The following FNBP4 variants were observed in gnomAD, a reference collection of about 807,000 sequenced individuals.
FNBP4 encodes the protein formin binding protein 4.
A neutral mutation model predicts 119.3 loss-of-function variants in FNBP4; 34 were observed. The observed-to-expected ratio is 0.28, with a 90% confidence interval of 0.22 to 0.38. FNBP4 has a LOEUF of 0.38. Ranked by LOEUF, FNBP4 falls within the 10% of genes least tolerant of loss-of-function variation. The pLI is 1.00. For synonymous variants in FNBP4, 462 were observed against 430.6 expected (o/e 1.07, Z -0.90); for missense variants, 1,112 against 1,228.9 (o/e 0.90, Z 1.42).
intron 2 of FNBP4, among the ~76,000 whole-genome samples, chr11:47,758,800 A>T (rs2097625971): frequency 6.6e-6 from 1 of 150,812 alleles, no homozygotes; most frequent in Non-Finnish European, 1.5e-5. Context: ...TGGACATTGC[A>T]GTGAGCTGAG....
intron 8 of FNBP4, among the ~76,000 whole-genome samples, chr11:47,739,544 A>C (rs1056751631): frequency 8.5e-5 from 13 of 152,220 alleles, no homozygotes; most frequent in Non-Finnish European, 1.6e-4. Context: ...TACTGCTGTG[A>C]AACTAGAATG....
Position 47,765,374 on chromosome 11 carries a change from AAAAAGAAAAGAAAAG to A in FNBP4, c.221-27_221-13del, listed in dbSNP as rs3842251. ...CGCTTCCTGTTCATCTGGATTAAAA[AAAAAGAAAAGAAAAG>A]AAAAGAAAAGAAAAGAAAAGAAAAG... On this transcript the variant is annotated splice_polypyrimidine_tract_variant and intron_variant, in intron 1 of 16. Transcript: ENST00000263773. 4.0e-3 allele frequency: 4,173 copies of A among 1,033,570 alleles called. 92 individuals are homozygous for A. In the African/African-American group the frequency reaches 0.054, roughly 13 times the overall value. 64.0% of individuals were successfully genotyped at this position (1,033,570 alleles called of 1,614,324 possible).
intron 12 of FNBP4, chr11:47,730,129 A>G: frequency 1.0e-6 from 1 of 985,458 alleles, no homozygotes; most frequent in Non-Finnish European, 1.2e-6. Flanking sequence ...GGATGTTGAC[A>G]GTGGTCAGGA....
rs955227668 is a variant in FNBP4 at position 47,765,336 on chromosome 11, G to T, written c.247C>A (p.Pro83Thr). ...TTTGGAGGATTCTGAACAACTCTAG[G>T]AACCTCCTGCACCGCTTCCTGTTCA... ...EDEQEAVQEV[P>T]RVVQNPPKPV... The change falls in exon 2 of 17, where the codon CCT becomes ACT. Residue 83 changes from proline to threonine, a missense_variant. Coordinates refer to ENST00000263773, the MANE Select transcript of FNBP4 (RefSeq NM_015308.5). 30 of 1,606,618 alleles carry T rather than the reference G, an allele frequency of 1.9e-5. No individual in the cohort carries two copies. The highest frequency in any genetic ancestry group is 2.4e-5 in the Non-Finnish European group (28 of 1,176,780).
chr11:47,747,155 T>A (rs2097592140), intron 6 of FNBP4, among the ~76,000 whole-genome samples: 1 of 151,404 alleles, frequency 6.6e-6, no homozygotes, highest in Non-Finnish European at 1.5e-5. Context: ...CTCACAGCCT[T>A]AGCCTCCCAA....
intron 12 of FNBP4, 99 bp from the exon 13 acceptor site, chr11:47,724,877 G>T: frequency 6.9e-7 from 1 of 1,448,308 alleles, no homozygotes. Context: ...ATCATTTATA[G>T]GAACCTAGCA....
chr11:47,724,603 T>A lies in FNBP4; in HGVS notation c.2184A>T (p.Pro728=), dbSNP rs773569124. The A allele has an allele frequency of 1.2e-6, 2 of 1,612,726 alleles. No individual in the cohort carries two copies. The highest frequency in any genetic ancestry group is 1.7e-6 in the Non-Finnish European group (2 of 1,179,712). Residue 728 remains proline, a synonymous_variant, in exon 13 of 17, where the codon CCA becomes CCT. Transcript: ENST00000263773. The stretch of plus-strand genomic sequence containing the variant: ...TCTCACCATCTTCCGCAGGAGGAGG[T>A]GGTGGAGGAGGGGGTGGAGGTGATT... ...PPESPPPPPP[P]PPPAEDGEIQ...
intron 8 of FNBP4, among the ~76,000 whole-genome samples, chr11:47,741,416 G>A (rs997235194): frequency 5.3e-5 from 8 of 151,738 alleles, no homozygotes; most frequent in South Asian, 4.1e-4. Flanking sequence ...TGATCTTTCC[G>A]CTTTGCCCTC....
intron 16 of FNBP4, among the ~76,000 whole-genome samples, chr11:47,719,110 G>A (rs2869534): frequency 0.35 from 52,557 of 151,962 alleles, 10,521 homozygotes; most frequent in South Asian, 0.52. Context: ...GGCTGGTCTC[G>A]AATTCCTGAC....
At chr11:47,765,978 G>T (rs2097647025) in intron 1 of FNBP4, among the ~76,000 whole-genome samples, 1 of 149,374 alleles carries the variant, frequency 6.7e-6, no homozygotes, top group Non-Finnish European at 1.5e-5. Flanking sequence ...GAGTCACCGT[G>T]CCCTGGAGTC....
chr11:47,733,748 A>G (rs2097570274), intron 10 of FNBP4, among the ~76,000 whole-genome samples: 1 of 152,148 alleles, frequency 6.6e-6, no homozygotes, highest in Non-Finnish European at 1.5e-5. Flanking sequence ...TTTTCTCTTT[A>G]AACAGACTTA....
chr11:47,723,080 T>C lies in FNBP4; in HGVS notation c.2701A>G (p.Thr901Ala). The C allele has an allele frequency of 1.9e-6, 3 of 1,611,212 alleles. No homozygotes were observed. Among genetic ancestry groups the C allele is most frequent in the Non-Finnish European group, 2.5e-6 (3 of 1,178,756 alleles). The change falls in exon 15 of 17, where the codon ACC becomes GCC. Residue 901 changes from threonine to alanine, a missense_variant. By Grantham distance (58) the Thr-to-Ala change is moderately conservative. This residue lies in a region of FNBP4 where 826 missense variants were observed against 988.8 expected (regional missense o/e 0.84). Transcript: ENST00000263773. ...VQARGAVPTA[T>A]IIEPPPPPPP... is the part of the protein sequence containing the mutation. The stretch of plus-strand genomic sequence containing the variant: ...GGTGGTGGTGGTGGTTCTATAATGG[T>C]AGCGGTAGGCACAGCACCTCGGGCC...
In FNBP4 at chr11:47,751,267, G is replaced by A; in HGVS notation, c.661C>T (p.Gln221Ter). ...CCCGTGTTCTCATCCCAGACTTCCT[G>A]CCAATCGCCCATCTCAATTCCGACT... Reference protein sequence around the residue: ...AGVGIEMGDWQEVWDENTGCY... With the variant: ...AGVGIEMGDW The change falls in exon 5 of 17, where the codon CAG becomes TAG. Residue 221 changes from glutamine to a stop codon, truncating the protein, a stop_gained. Coordinates refer to ENST00000263773, the MANE Select transcript of FNBP4 (RefSeq NM_015308.5). LOFTEE classifies it high-confidence loss of function. 6.2e-7 allele frequency: 1 copy of A among 1,613,976 alleles called. No individual in the cohort carries two copies. Among genetic ancestry groups the A allele is most frequent in the South Asian group, 1.1e-5 (1 of 91,080 alleles).
At chr11:47,749,561 G>GA (rs1188032450) in intron 6 of FNBP4, among the ~76,000 whole-genome samples, 2 of 151,700 alleles carry the variant, frequency 1.3e-5, no homozygotes, top group African/African-American at 2.4e-5. Context: ...GTCTCAAAAA[G>GA]AAAAAAATTA....
intron 12 of FNBP4, among the ~76,000 whole-genome samples, chr11:47,727,611 T>A (rs1294506356): frequency 6.6e-6 from 1 of 152,166 alleles, no homozygotes; most frequent in Non-Finnish European, 1.5e-5. Context: ...AACTTTGTTA[T>A]GAGGTCAGCA....
intron 2 of FNBP4, among the ~76,000 whole-genome samples, chr11:47,764,394 T>A (rs763607863): frequency 4.7e-4 from 72 of 152,226 alleles, no homozygotes; most frequent in Non-Finnish European, 5.0e-4. Context: ...ATTCTACATA[T>A]TTTAAATGAG....
intron 2 of FNBP4, among the ~76,000 whole-genome samples, chr11:47,763,625 C>T (rs1445177319): frequency 1.3e-5 from 2 of 151,798 alleles, no homozygotes; most frequent in Non-Finnish European, 2.9e-5. Flanking sequence ...CTCAGCCTCC[C>T]GAGTAGCTGG....
At chr11:47,757,984 T>C (rs1334147542) in intron 2 of FNBP4, among the ~76,000 whole-genome samples, 1 of 152,254 alleles carries the variant, frequency 6.6e-6, no homozygotes, top group African/African-American at 2.4e-5. Flanking sequence ...ATTTATTTTA[T>C]TTTTTATTTT....
intron 8 of FNBP4, among the ~76,000 whole-genome samples, chr11:47,741,814 C>CA (rs10650171): frequency 0.79 from 119,577 of 150,768 alleles, 47,919 homozygotes; most frequent in Non-Finnish European, 0.86. Context: ...GACTCCGTCT[C>CA]AAAAAAAAAT....
Sources: gnomAD v4.1 joint callset for allele counts (sites outside exome capture counted in the v4.1 genomes callset) on GRCh38, gnomAD v4.1.1 for gene constraint, gnomAD v4.1.1 regional missense constraint, MANE v1.5 for transcripts, NCBI Gene and HGNC (gene_info 2026-07-23, HGNC 2026-07-21) for gene names.